Variants in SNX18 observed in about 807,000 individuals in gnomAD.
The protein encoded by SNX18 is sorting nexin-18.
SNX18 carries 35 observed loss-of-function variants against 48.7 expected under a neutral mutation model. The ratio of observed to expected loss-of-function variants is 0.72; its 90% CI spans 0.55 to 0.95. The LOEUF (loss-of-function observed/expected upper bound fraction) is 0.95. SNX18 is among the 40% of genes least tolerant of loss of function. The probability of loss-of-function intolerance (pLI) is 0.00; values close to 1 mark genes in which losing one functional copy is unlikely to be tolerated. For synonymous variants in SNX18, 492 were observed against 384.7 expected (o/e 1.28, Z -3.26); for missense variants, 824 against 871.0 (o/e 0.95, Z 0.68).
the SNX18 span, among the ~76,000 whole-genome samples, chr5:54,608,973 C>A: frequency 6.6e-6 from 1 of 152,210 alleles, no homozygotes; most frequent in Non-Finnish European, 1.5e-5. Flanking sequence ...ATTGTCCCAA[C>A]CTGTATATCT....
At chr5:54,621,868 C>A in the SNX18 span, among the ~76,000 whole-genome samples, 1 of 152,162 alleles carries the variant, frequency 6.6e-6, no homozygotes, top group Non-Finnish European at 1.5e-5. Context: ...CTGTAGACAG[C>A]CACTGTGCTA....
At chr5:54,595,693 C>T in the SNX18 span, among the ~76,000 whole-genome samples, 6 of 152,258 alleles carry the variant, frequency 3.9e-5, no homozygotes, top group South Asian at 4.1e-4. Flanking sequence ...ATGGGACACA[C>T]GTTGTATTGG....
the SNX18 span, among the ~76,000 whole-genome samples, chr5:54,641,778 A>G: frequency 6.6e-6 from 1 of 152,174 alleles, no homozygotes; most frequent in Non-Finnish European, 1.5e-5. Flanking sequence ...TTGTAAAATC[A>G]TGGGTGCTGA....
the SNX18 span, among the ~76,000 whole-genome samples, chr5:54,571,050 A>C: frequency 6.6e-6 from 1 of 152,202 alleles, no homozygotes; most frequent in African/African-American, 2.4e-5. Context: ...AACATACTCT[A>C]TGCCTTATAG....
At chr5:54,617,101 AG>A in the SNX18 span, among the ~76,000 whole-genome samples, 4 of 152,206 alleles carry the variant, frequency 2.6e-5, no homozygotes, top group African/African-American at 4.8e-5. Context: ...ACTTCGTCAA[AG>A]GCCCCTTCAA....
chr5:54,582,833 C>A, the SNX18 span, among the ~76,000 whole-genome samples: 10 of 152,046 alleles, frequency 6.6e-5, no homozygotes, highest in Admixed American at 2.6e-4. Flanking sequence ...ACATAACTTA[C>A]CATCATTGAC....
At chr5:54,520,347 T>C in intron 1 of SNX18, 1 of 169,740 alleles carries the variant, frequency 5.9e-6, no homozygotes, top group Non-Finnish European at 1.4e-5. Context: ...TGACCTTTGC[T>C]AAAGCACCAG....
At position 54,544,998 on chromosome 5, in the gene SNX18, C is replaced by T. The variant is rs1330599932; in HGVS notation, c.*1566C>T. On this transcript the variant is annotated 3_prime_UTR_variant, in exon 2 of 2. Transcript: ENST00000381410. ...AAGATTAAAGAAAAGGATCAGTTTGCAGATACTCAGAAAAGGTTATTGAAA... is the reference window on the plus strand; with the variant it reads ...AAGATTAAAGAAAAGGATCAGTTTGTAGATACTCAGAAAAGGTTATTGAAA... 4 of 152,136 alleles carry T rather than the reference C, an allele frequency of 2.6e-5. No individual in the cohort carries two copies. Among genetic ancestry groups the T allele is most frequent in the Non-Finnish European group, 5.9e-5 (4 of 68,024 alleles). The allele number at this position is 152,136 out of a possible 1,614,324, so 9.4% of individuals were successfully genotyped here. A position where few individuals can be genotyped will look rare whatever the true frequency, so the allele number is the denominator to read the frequency against.
the SNX18 span, among the ~76,000 whole-genome samples, chr5:54,619,013 C>A: frequency 6.6e-6 from 1 of 151,940 alleles, no homozygotes; most frequent in Non-Finnish European, 1.5e-5. Context: ...AATTGCTGAC[C>A]ATGGTGTAGG....
intron 1 of SNX18, among the ~76,000 whole-genome samples, chr5:54,524,383 C>T (rs1160901248): frequency 1.3e-5 from 2 of 152,174 alleles, no homozygotes; most frequent in Non-Finnish European, 2.9e-5. Context: ...AGAGGACCTG[C>T]ACTCCCACCC....
the SNX18 span, among the ~76,000 whole-genome samples, chr5:54,559,499 G>T: frequency 3.3e-5 from 5 of 152,304 alleles, no homozygotes; most frequent in African/African-American, 1.2e-4. Flanking sequence ...AATAAATGGT[G>T]CTGGGATAAC....
chr5:54,558,989 A>G, the SNX18 span, among the ~76,000 whole-genome samples: 1 of 152,146 alleles, frequency 6.6e-6, no homozygotes, highest in East Asian at 1.9e-4. Context: ...GCTACCAAAA[A>G]AAAAAATACC....
At chr5:54,601,284 C>T in the SNX18 span, among the ~76,000 whole-genome samples, 1 of 152,200 alleles carries the variant, frequency 6.6e-6, no homozygotes, top group African/African-American at 2.4e-5. Flanking sequence ...TAGCATGCCA[C>T]TGATTCTATC....
At chr5:54,581,310 C>T in the SNX18 span, among the ~76,000 whole-genome samples, 2 of 152,012 alleles carry the variant, frequency 1.3e-5, no homozygotes, top group Non-Finnish European at 2.9e-5. Context: ...TGAGAGAGAG[C>T]AAGAAACTAG....
At chr5:54,618,043 C>G in the SNX18 span, among the ~76,000 whole-genome samples, 1 of 152,136 alleles carries the variant, frequency 6.6e-6, no homozygotes, top group Non-Finnish European at 1.5e-5. Flanking sequence ...ATTGTAGTTT[C>G]CATAATCCCC....
At chr5:54,637,756 G>A in the SNX18 span, among the ~76,000 whole-genome samples, 3 of 151,320 alleles carry the variant, frequency 2.0e-5, no homozygotes, top group African/African-American at 7.3e-5. Context: ...TCCGTGGGGT[G>A]AGATGTGTGA....
the SNX18 span, among the ~76,000 whole-genome samples, chr5:54,588,321 T>C: frequency 1.5e-4 from 3 of 20,000 alleles, no homozygotes; most frequent in African/African-American, 7.3e-4. Flanking sequence ...TTTTTTTTTT[T>C]TTTTTTTTTT....
intron 1 of SNX18, chr5:54,520,047 C>T: frequency 2.0e-6 from 1 of 491,796 alleles, no homozygotes; most frequent in Non-Finnish European, 3.7e-6. Flanking sequence ...TCAATCTCTG[C>T]TTTGGTAGAG....
chr5:54,606,383 G>T, the SNX18 span, among the ~76,000 whole-genome samples: 2 of 152,216 alleles, frequency 1.3e-5, no homozygotes, highest in Middle Eastern at 3.4e-3. Flanking sequence ...ATTTTATCTT[G>T]CCTTTCTTTG....
Sources: allele counts gnomAD v4.1 joint callset (sites outside exome capture counted in the v4.1 genomes callset), GRCh38; gene constraint gnomAD v4.1.1; transcripts MANE v1.5; gene names NCBI Gene and HGNC (gene_info 2026-07-23, HGNC 2026-07-21).